The following SGCZ variants were observed in gnomAD, a reference collection of about 807,000 sequenced individuals.
SGCZ encodes sarcoglycan zeta, also known as zeta-sarcoglycan.
In SGCZ, 40 loss-of-function variants were observed where a neutral mutation model predicts 41.3. The ratio of observed to expected loss-of-function variants is 0.97; its 90% CI spans 0.75 to 1.26. SGCZ has a LOEUF of 1.26. Ranked by LOEUF, SGCZ falls within the 50% of genes most tolerant of loss-of-function variation. SGCZ has a pLI of 0.00. For synonymous variants in SGCZ, 206 were observed against 137.5 expected, an observed-to-expected ratio of 1.50 and a Z score of -3.49; for missense variants, 552 against 369.8, an observed-to-expected ratio of 1.49 and a Z score of -4.04.
At chr8:14,331,181 T>G (rs1802306829) in intron 2 of SGCZ, among the ~76,000 whole-genome samples, 1 of 151,914 alleles carries the variant, frequency 6.6e-6, no homozygotes, top group Non-Finnish European at 1.5e-5. Flanking sequence ...TTAAATATTT[T>G]CAATAAAATA....
intron 2 of SGCZ, among the ~76,000 whole-genome samples, chr8:14,551,544 T>TATATATTATATATATTATATATA (rs1803845790): frequency 0.074 from 422 of 5,680 alleles, 63 homozygotes; most frequent in South Asian, 0.11. Flanking sequence ...ATATATATAA[T>TATATATTATATATATTATATATA]ATATATAATA....
chr8:14,473,708 T>C (rs948059036), intron 2 of SGCZ, among the ~76,000 whole-genome samples: 1 of 151,886 alleles, frequency 6.6e-6, no homozygotes, highest in Non-Finnish European at 1.5e-5. Flanking sequence ...GAGGTCGAGG[T>C]GGGTGGATCA....
intron 1 of SGCZ, among the ~76,000 whole-genome samples, chr8:14,564,305 A>G (rs1804293113): frequency 1.1e-5 from 1 of 95,196 alleles, no homozygotes; most frequent in Non-Finnish European, 2.3e-5. Context: ...GTCACTGTTC[A>G]TTAGGTGTTG....
intron 2 of SGCZ, among the ~76,000 whole-genome samples, chr8:14,447,678 A>G (rs1048736383): frequency 3.9e-5 from 6 of 152,302 alleles, no homozygotes; most frequent in Non-Finnish European, 7.4e-5. Context: ...AATTAGAAAA[A>G]CCAGAGTCAT....
Position 14,433,355 on chromosome 8 carries a change from A to G in SGCZ, c.235-109151T>C, listed in dbSNP as rs1049035394. On this transcript the variant is annotated intron_variant, in intron 2 of 7. Coordinates refer to ENST00000382080, the MANE Select transcript of SGCZ (RefSeq NM_139167.4). Reference sequence around the variant, plus strand: ...GCTAGATATTAGTGATATACGGATAATTAAGATACTTTGCCTTTCAGTAGG... The same window carrying G: ...GCTAGATATTAGTGATATACGGATAGTTAAGATACTTTGCCTTTCAGTAGG... Among the ~76,000 whole-genome samples, 12 of 152,344 alleles carry G rather than the reference A, an allele frequency of 7.9e-5. No homozygotes were observed. The East Asian group carries it at 2.3e-3, about 29-fold the overall frequency.
chr8:14,103,665 CA>C (rs1240405492), intron 6 of SGCZ, among the ~76,000 whole-genome samples: 1 of 151,580 alleles, frequency 6.6e-6, no homozygotes, highest in Non-Finnish European at 1.5e-5. Flanking sequence ...TTTTTTCACT[CA>C]CCAAAGCAAC....
At chr8:14,918,105 A>G (rs886312514) in intron 1 of SGCZ, among the ~76,000 whole-genome samples, 1 of 152,198 alleles carries the variant, frequency 6.6e-6, no homozygotes, top group Non-Finnish European at 1.5e-5. Context: ...TTCAGATCCA[A>G]GAAGATACTG....
At chr8:14,188,670 A>C (rs1388152082) in intron 4 of SGCZ, among the ~76,000 whole-genome samples, 1 of 152,210 alleles carries the variant, frequency 6.6e-6, no homozygotes, top group Non-Finnish European at 1.5e-5. Flanking sequence ...TTGTACATTT[A>C]AATGGATGAA....
At chr8:14,178,378 A>C (rs980845546) in intron 4 of SGCZ, among the ~76,000 whole-genome samples, 27 of 152,208 alleles carry the variant, frequency 1.8e-4, no homozygotes, top group African/African-American at 6.0e-4. Flanking sequence ...CAACTGCCTT[A>C]CTCAAAATTT....
intron 1 of SGCZ, among the ~76,000 whole-genome samples, chr8:14,590,758 G>C (rs191396915): frequency 6.8e-6 from 1 of 147,270 alleles, no homozygotes; most frequent in African/African-American, 2.5e-5. Flanking sequence ...TACTGTCATA[G>C]TATATACTAT....
intron 4 of SGCZ, among the ~76,000 whole-genome samples, chr8:14,168,602 G>A (rs1011600460): frequency 1.3e-5 from 2 of 152,160 alleles, no homozygotes; most frequent in Non-Finnish European, 1.5e-5. Flanking sequence ...AGCCATGACT[G>A]TGAGGCCTCC....
At chr8:14,215,093 C>A (rs1433854449) in intron 4 of SGCZ, among the ~76,000 whole-genome samples, 1 of 152,120 alleles carries the variant, frequency 6.6e-6, no homozygotes, top group South Asian at 2.1e-4. Flanking sequence ...ATAGAACCTT[C>A]ATCAAATAAA....
At chr8:15,023,438 C>T (rs923064399) in intron 1 of SGCZ, among the ~76,000 whole-genome samples, 6 of 152,102 alleles carry the variant, frequency 3.9e-5, no homozygotes. Context: ...ACACACATTC[C>T]TTTTTGTTCC....
intron 1 of SGCZ, among the ~76,000 whole-genome samples, chr8:14,764,261 C>T (rs1183110865): frequency 6.6e-6 from 1 of 152,136 alleles, no homozygotes; most frequent in South Asian, 2.1e-4. Context: ...CTTTGGAAAG[C>T]CCCAATTAAC....
At chr8:14,218,308 T>C (rs996741028) in intron 4 of SGCZ, among the ~76,000 whole-genome samples, 1 of 152,100 alleles carries the variant, frequency 6.6e-6, no homozygotes, top group South Asian at 2.1e-4. Flanking sequence ...GAAAATGAAA[T>C]GTTAAAAGGT....
chr8:15,081,660 A>T (rs1805752597), intron 1 of SGCZ, among the ~76,000 whole-genome samples: 1 of 152,204 alleles, frequency 6.6e-6, no homozygotes, highest in African/African-American at 2.4e-5. Flanking sequence ...GGTGTTGTGT[A>T]CCTGTTTGTA....
intron 1 of SGCZ, among the ~76,000 whole-genome samples, chr8:14,650,954 G>A (rs1807378432): frequency 6.6e-6 from 1 of 151,936 alleles, no homozygotes; most frequent in Non-Finnish European, 1.5e-5. Context: ...ACTAAATGCA[G>A]AATGTCTTAT....
chr8:14,733,249 A>T (rs1488715633), intron 1 of SGCZ, among the ~76,000 whole-genome samples: 1 of 152,120 alleles, frequency 6.6e-6, no homozygotes, highest in Non-Finnish European at 1.5e-5. Context: ...TCCCACCAAA[A>T]GTATTCAGAC....
chr8:14,441,918 T>C (rs760329189), intron 2 of SGCZ, among the ~76,000 whole-genome samples: 9 of 152,218 alleles, frequency 5.9e-5, no homozygotes, highest in Non-Finnish European at 1.2e-4. Context: ...TATGATGTAA[T>C]TCTTTACTCT....
Sources: allele counts gnomAD v4.1 joint callset (sites outside exome capture counted in the v4.1 genomes callset), GRCh38; gene constraint gnomAD v4.1.1; transcripts MANE v1.5; gene names NCBI Gene and HGNC (gene_info 2026-07-23, HGNC 2026-07-21).